TEX29: variants seen among roughly 807,000 people sequenced by gnomAD.
The protein encoded by TEX29 is testis-expressed protein 29.
In TEX29, 26 loss-of-function variants were observed where a neutral mutation model predicts 18.2. That is an observed-to-expected ratio of 1.43 (90% confidence interval 1.04 to 1.98). The LOEUF is 1.98. TEX29 is among the 30% of genes most tolerant of loss of function. TEX29 has a pLI of 0.00. For synonymous variants in TEX29, 83 were observed against 78.5 expected, an observed-to-expected ratio of 1.06 and a Z score of -0.31; for missense variants, 177 against 194.2, an observed-to-expected ratio of 0.91 and a Z score of 0.53.
intron 2 of TEX29, among the ~76,000 whole-genome samples, chr13:111,324,040 G>A (rs1214497600): frequency 3.9e-5 from 6 of 152,304 alleles, no homozygotes; most frequent in African/African-American, 2.4e-5. Context: ...ACATTCAGCC[G>A]GATTCCAGGT....
intron 2 of TEX29, among the ~76,000 whole-genome samples, chr13:111,323,583 A>C (rs1281107727): frequency 2.0e-5 from 3 of 152,136 alleles, no homozygotes; most frequent in African/African-American, 7.2e-5. Context: ...CTTCTTCTCC[A>C]CAGGCTCGGG....
At chr13:111,316,652 G>C (rs1182476490), upstream of TEX29, among the ~76,000 whole-genome samples, 4 of 152,248 alleles carry the variant, frequency 2.6e-5, no homozygotes, top group East Asian at 3.8e-4. Flanking sequence ...CGCACACACA[G>C]AATCCTTCAA....
intron 4 of TEX29, among the ~76,000 whole-genome samples, chr13:111,342,440 C>T (rs2093697996): frequency 6.6e-6 from 1 of 151,670 alleles, no homozygotes; most frequent in Admixed American, 6.6e-5. Context: ...TACTTGTAAT[C>T]TCCCAGCACT....
intron 2 of TEX29, among the ~76,000 whole-genome samples, chr13:111,323,150 G>A (rs891188985): frequency 6.6e-6 from 1 of 152,132 alleles, no homozygotes; most frequent in Non-Finnish European, 1.5e-5. Flanking sequence ...CCCCTTCCAC[G>A]CAGCCCTGCT....
At position 111,320,968 on chromosome 13, in the gene TEX29, G is replaced by C; in HGVS notation, c.58+20G>C. ...TCACAGGTATGGAGGGAAGGCGCCA[G>C]GGGGGCGGGTGGGGTGGGGGAGCAG... On this transcript the variant is annotated intron_variant, in intron 2 of 5. Transcript: ENST00000283547. 6.3e-7 allele frequency: 1 copy of C among 1,589,574 alleles called. No individual in the cohort carries two copies. The highest frequency in any genetic ancestry group is 8.6e-7 in the Non-Finnish European group (1 of 1,165,248).
intron 2 of TEX29, 47 bp downstream of exon 2, chr13:111,320,995 T>TGGGGGGGGGCCCAGCTGTG: frequency 1.2e-5 from 4 of 320,856 alleles, no homozygotes; most frequent in Non-Finnish European, 2.3e-5. Flanking sequence ...GGGGAGCAGT[T>TGGGGGGGGGCCCAGCTGTG]GGGGGGGGGC....
intron 4 of TEX29, among the ~76,000 whole-genome samples, chr13:111,342,013 C>T (rs534780427): frequency 6.6e-6 from 1 of 152,304 alleles, no homozygotes; most frequent in South Asian, 2.1e-4. Flanking sequence ...GTCCTCATTG[C>T]AGGGTGTCAG....
Position 111,328,657 on chromosome 13 carries a change from C to T in TEX29, c.169+364C>T, listed in dbSNP as rs374864343. 1.0e-3 allele frequency among the ~76,000 whole-genome samples: 157 copies of T among 152,170 alleles called. 2 individuals are homozygous for T. Among genetic ancestry groups the T allele is most frequent in the African/African-American group, 3.6e-3 (148 of 41,546 alleles). On this transcript the variant is annotated intron_variant, in intron 3 of 5. Transcript: ENST00000283547. ...AGAAACATGGGGCGCCGGCAGGGCC[C>T]GGGCCAGTGGCCGGGTGTGGGGTGA...
chr13:111,323,713 C>T (rs1216127331), intron 2 of TEX29, among the ~76,000 whole-genome samples: 1 of 151,292 alleles, frequency 6.6e-6, no homozygotes, highest in African/African-American at 2.4e-5. Context: ...ACACATGAGC[C>T]TCTGCACACA....
intron 3 of TEX29, among the ~76,000 whole-genome samples, chr13:111,336,901 A>G (rs1595691519): frequency 6.6e-6 from 1 of 152,230 alleles, no homozygotes; most frequent in East Asian, 1.9e-4. Context: ...ACGTAGGAAG[A>G]TACGGGAGAT....
At position 111,339,940 on chromosome 13, in the gene TEX29, C is replaced by T. The variant is rs1451957372; in HGVS notation, c.239+8C>T. Reference sequence around the variant, plus strand: ...CATCACCATCATCTACAGGTCGGTCCCTTTGTTCTTTACTGGGAGGGTGGG... The same window carrying T: ...CATCACCATCATCTACAGGTCGGTCTCTTTGTTCTTTACTGGGAGGGTGGG... On this transcript the variant is annotated splice_region_variant and intron_variant, in intron 4 of 5. Transcript: ENST00000283547. 1 of 1,443,182 alleles carries T rather than the reference C, an allele frequency of 6.9e-7. No individual in the cohort carries two copies. The highest frequency in any genetic ancestry group is 1.1e-5 in the South Asian group (1 of 88,734). The allele number at this position is 1,443,182 out of a possible 1,614,324, so 89.4% of individuals were successfully genotyped here. A position where few individuals can be genotyped will look rare whatever the true frequency, so the allele number is the denominator to read the frequency against.
rs544790752 is a variant in TEX29, at chr13:111,320,737, G to A, written c.-60G>A. On this transcript the variant is annotated 5_prime_UTR_variant, in exon 1 of 6. Transcript: ENST00000283547. Reference sequence around the variant, plus strand: ...GACTGAGAGGCACAGGTGGCTGAGGGGACCCGCCTGGGATGTGAGGCGCAG... The same window carrying A: ...GACTGAGAGGCACAGGTGGCTGAGGAGACCCGCCTGGGATGTGAGGCGCAG... 3 of 857,318 alleles carry A rather than the reference G, an allele frequency of 3.5e-6. No individual in the cohort carries two copies. The highest frequency in any genetic ancestry group is 2.9e-5 in the South Asian group (2 of 68,610). 53.1% of individuals were successfully genotyped at this position (857,318 alleles called of 1,614,324 possible).
Position 111,328,191 on chromosome 13 carries a change from G to A in TEX29, c.67G>A (p.Val23Ile), listed in dbSNP as rs1388820916. 9.9e-6 allele frequency: 16 copies of A among 1,610,920 alleles called. No individual in the cohort carries two copies. Among genetic ancestry groups the A allele is most frequent in the Admixed American group, 5.0e-5 (3 of 59,996 alleles). Reference protein sequence around the residue: ...HLLKQFTVCDVPLYDICDYNV... With the variant: ...HLLKQFTVCDIPLYDICDYNV... The stretch of plus-strand genomic sequence containing the variant: ...TGTCTGTGCTTTTGCAGTGTGTGAC[G>A]TTCCTCTGTATGACATTTGTGACTA... The change falls in exon 3 of 6, where the codon GTT (valine) becomes ATT (isoleucine). Residue 23 changes from valine (V) to isoleucine (I), a missense_variant. Coordinates refer to ENST00000283547, the MANE Select transcript of TEX29 (RefSeq NM_152324.3).
At chr13:111,341,776 C>T (rs926427807) in intron 4 of TEX29, among the ~76,000 whole-genome samples, 3 of 152,188 alleles carry the variant, frequency 2.0e-5, no homozygotes, top group Admixed American at 1.3e-4. Context: ...CATCATAACC[C>T]GTGTTTAGTG....
At chr13:111,323,590 C>T (rs553464373) in intron 2 of TEX29, among the ~76,000 whole-genome samples, 121 of 152,294 alleles carry the variant, frequency 7.9e-4, no homozygotes, top group Admixed American at 6.9e-3. Flanking sequence ...TCCACAGGCT[C>T]GGGGGTCTGT....
At chr13:111,331,257 A>G (rs965209009) in intron 3 of TEX29, among the ~76,000 whole-genome samples, 9 of 148,388 alleles carry the variant, frequency 6.1e-5, no homozygotes, top group African/African-American at 2.2e-4. Flanking sequence ...GTGAAGTTGT[A>G]TCTCATTGTG....
intron 3 of TEX29, among the ~76,000 whole-genome samples, chr13:111,335,266 C>G (rs535074864): frequency 6.6e-6 from 1 of 152,154 alleles, no homozygotes; most frequent in Non-Finnish European, 1.5e-5. Context: ...TGCTTTTTCC[C>G]GAAGGAGTCC....
chr13:111,334,384 C>T (rs2093686741), intron 3 of TEX29, among the ~76,000 whole-genome samples: 1 of 152,248 alleles, frequency 6.6e-6, no homozygotes, highest in Non-Finnish European at 1.5e-5. Flanking sequence ...AAACACAAGC[C>T]TCTCAGACTT....
chr13:111,342,004 T>C (rs1187303536), intron 4 of TEX29, among the ~76,000 whole-genome samples: 1 of 152,214 alleles, frequency 6.6e-6, no homozygotes, highest in East Asian at 1.9e-4. Context: ...GTGGCCTGCG[T>C]CCTCATTGCA....
Sources: allele counts gnomAD v4.1 joint callset (sites outside exome capture counted in the v4.1 genomes callset), GRCh38; gene constraint gnomAD v4.1.1; transcripts MANE v1.5; gene names NCBI Gene and HGNC (gene_info 2026-07-23, HGNC 2026-07-21).